MTRF1: variants seen among roughly 807,000 people sequenced by gnomAD.
MTRF1 encodes mitochondrial translation release factor 1.
Under a neutral mutation model 62.9 loss-of-function variants are expected in MTRF1, and 51 were observed. The observed-to-expected ratio is 0.81, with a 90% CI of 0.65 to 1.02. The LOEUF (loss-of-function observed/expected upper bound fraction) is 1.02. MTRF1 is among the 50% of genes least tolerant of loss of function. MTRF1 has a pLI of 0.00. For missense variants in MTRF1, 446 were observed against 530.0 expected (o/e 0.84, Z 1.56); for synonymous variants, 158 against 181.9 (o/e 0.87, Z 1.06).
the MTRF1 span, among the ~76,000 whole-genome samples, chr13:41,295,702 T>G: frequency 6.6e-6 from 1 of 152,238 alleles, no homozygotes; most frequent in Non-Finnish European, 1.5e-5. Context: ...TGAAGTTTTA[T>G]GATTATCACT....
the MTRF1 span, among the ~76,000 whole-genome samples, chr13:41,294,789 A>G: frequency 1.4e-3 from 215 of 152,320 alleles, no homozygotes; most frequent in South Asian, 4.8e-3. Context: ...AATTTATGAA[A>G]GGAAATTTGC....
At chr13:41,223,159 T>C (rs2033749209) in intron 9 of MTRF1, 97 bp downstream of exon 9, 1 of 715,938 alleles carries the variant, frequency 1.4e-6, no homozygotes, top group African/African-American at 1.8e-5. Context: ...TTGGTAATAT[T>C]TTAGATATAC....
chr13:41,240,024 A>G (rs1033056401), intron 6 of MTRF1, among the ~76,000 whole-genome samples: 1 of 152,122 alleles, frequency 6.6e-6, no homozygotes, highest in African/African-American at 2.4e-5. Context: ...TTAGCCAGGC[A>G]TGGTGGCGTG....
At chr13:41,255,923 G>A (rs1331263215) in intron 2 of MTRF1, among the ~76,000 whole-genome samples, 1 of 152,062 alleles carries the variant, frequency 6.6e-6, no homozygotes, top group African/African-American at 2.4e-5. Context: ...AGTGGCCATT[G>A]CTGCAAATTG....
At chr13:41,283,819 C>T in the MTRF1 span, among the ~76,000 whole-genome samples, 208 of 151,860 alleles carry the variant, frequency 1.4e-3, no homozygotes, top group Non-Finnish European at 2.5e-3. Context: ...CCTCGTGATC[C>T]ACCCGCCTCG....
chr13:41,228,492 G>A (rs572189914), intron 7 of MTRF1, among the ~76,000 whole-genome samples: 4 of 152,282 alleles, frequency 2.6e-5, no homozygotes, highest in African/African-American at 9.6e-5. Context: ...CTTGAGCCAA[G>A]AGTTCGAGGT....
At chr13:41,217,256 C>T (rs760194402) in intron 9 of MTRF1, 28 bp from the exon 10 acceptor site, 2 of 1,288,710 alleles carry the variant, frequency 1.6e-6, no homozygotes, top group Non-Finnish European at 2.2e-6. Context: ...TATTATGAAA[C>T]CTAATGATTA....
At chr13:41,297,443 T>G in the MTRF1 span, among the ~76,000 whole-genome samples, 1 of 152,232 alleles carries the variant, frequency 6.6e-6, no homozygotes, top group Non-Finnish European at 1.5e-5. Flanking sequence ...CTTCCAAAAC[T>G]GCAGCTTTTG....
chr13:41,221,737 C>G (rs2033406931), intron 9 of MTRF1, among the ~76,000 whole-genome samples: 1 of 152,164 alleles, frequency 6.6e-6, no homozygotes, highest in South Asian at 2.1e-4. Context: ...CCCTTTGTTT[C>G]ACAACCGAAT....
intron 9 of MTRF1, among the ~76,000 whole-genome samples, chr13:41,217,813 C>G (rs1425224781): frequency 1.3e-5 from 2 of 152,214 alleles, no homozygotes; most frequent in African/African-American, 2.4e-5. Flanking sequence ...CCTCCCCCGA[C>G]CATTCAAGCT....
At chr13:41,281,726 C>T in the MTRF1 span, among the ~76,000 whole-genome samples, 1 of 152,282 alleles carries the variant, frequency 6.6e-6, no homozygotes, top group East Asian at 1.9e-4. Flanking sequence ...ACAGTACTGA[C>T]TCCATGTTAG....
Position 41,260,555 on chromosome 13 carries a change from G to A in MTRF1, c.353C>T (p.Ala118Val). ...AGTCTCCTGAATTTCTTGGTAAATG[G>A]CTGCAAGAGGTGCCAACTCAGCATG... Reference protein sequence around the residue: ...RRHAELAPLAAIYQEIQETEQ... With the variant: ...RRHAELAPLAVIYQEIQETEQ... Residue 118 changes from alanine to valine, a missense_variant, in exon 2 of 10, where the codon GCC becomes GTC. Ala to Val is a moderately conservative substitution (Grantham distance 64). Transcript: ENST00000379480. 3.1e-6 allele frequency: 5 copies of A among 1,613,952 alleles called. No individual in the cohort carries two copies. Among genetic ancestry groups the A allele is most frequent in the Non-Finnish European group, 4.2e-6 (5 of 1,180,012 alleles).
the MTRF1 span, among the ~76,000 whole-genome samples, chr13:41,301,896 A>C: frequency 6.6e-6 from 1 of 152,188 alleles, no homozygotes; most frequent in Non-Finnish European, 1.5e-5. Context: ...GATGACTCCC[A>C]GTCTCTTCTC....
chr13:41,254,831 G>C (rs143380839), intron 2 of MTRF1, among the ~76,000 whole-genome samples: 2 of 151,640 alleles, frequency 1.3e-5, no homozygotes, highest in East Asian at 3.9e-4. Flanking sequence ...CAATATAATC[G>C]TGCTTCCCAA....
chr13:41,287,333 C>A, the MTRF1 span, among the ~76,000 whole-genome samples: 2 of 152,156 alleles, frequency 1.3e-5, no homozygotes, highest in Admixed American at 1.3e-4. Context: ...GTAGGTGCAA[C>A]ACACTTTTAA....
In MTRF1 at chr13:41,241,886, G is replaced by A. The variant is rs150153854; in HGVS notation, c.698-1453C>T. Reference sequence around the variant, plus strand: ...TTTGGCAAGACGACAGGAGGTATACGGTGTCTGGATGTCTCTCTTTTTACA... The same window carrying A: ...TTTGGCAAGACGACAGGAGGTATACAGTGTCTGGATGTCTCTCTTTTTACA... On this transcript the variant is annotated intron_variant, in intron 5 of 9. Transcript: ENST00000379480. Among the ~76,000 whole-genome samples the A allele has an allele frequency of 6.0e-4, 91 of 152,316 alleles. 1 individual carries two copies. The South Asian group carries it at 8.5e-3, about 14-fold the overall frequency.
In MTRF1 at chr13:41,260,499, A is replaced by C; in HGVS notation, c.409T>G (p.Cys137Gly). The change falls in exon 2 of 10, where the codon TGT becomes GGT. Residue 137 changes from cysteine to glycine, a missense_variant. Transcript: ENST00000379480. Reference protein sequence around the residue: ...EQAIEELESMCKSLNKQDEKQ... With the variant: ...EQAIEELESMGKSLNKQDEKQ... ...ATAAGTATCTTTTACCTACTTTTACACATTGATTCTAATTCTTCAATTGCT... is the reference window on the plus strand; with the variant it reads ...ATAAGTATCTTTTACCTACTTTTACCCATTGATTCTAATTCTTCAATTGCT... 1.9e-6 allele frequency: 3 copies of C among 1,611,182 alleles called. No individual in the cohort carries two copies.
At chr13:41,277,920 A>G in the MTRF1 span, among the ~76,000 whole-genome samples, 1 of 152,236 alleles carries the variant, frequency 6.6e-6, no homozygotes, top group Non-Finnish European at 1.5e-5. Flanking sequence ...GAGTTATATG[A>G]CAGGACACTG....
chr13:41,264,981 A>C (rs953947513), upstream of MTRF1, among the ~76,000 whole-genome samples: 5 of 152,338 alleles, frequency 3.3e-5, no homozygotes, highest in Admixed American at 3.3e-4. Flanking sequence ...GCCCACATGG[A>C]GCTTATGTTC....
Sources: gnomAD v4.1 joint callset for allele counts (sites outside exome capture counted in the v4.1 genomes callset) on GRCh38, gnomAD v4.1.1 for gene constraint, MANE v1.5 for transcripts, NCBI Gene and HGNC (gene_info 2026-07-23, HGNC 2026-07-21) for gene names.